The following DYNC2H1 variants were observed in gnomAD, a reference collection of about 807,000 sequenced individuals.
The protein encoded by DYNC2H1 is dynein cytoplasmic 2 heavy chain 1.
Under a neutral mutation model 570.0 loss-of-function variants are expected in DYNC2H1, and 410 were observed. That is an observed-to-expected ratio of 0.72 (90% CI 0.66 to 0.78). The LOEUF is 0.78. DYNC2H1 is among the 30% of genes least tolerant of loss of function. The probability of loss-of-function intolerance (pLI) is 0.00; values close to 1 mark genes in which losing one functional copy is unlikely to be tolerated. For synonymous variants in DYNC2H1, 1,688 were observed against 1,677.6 expected (o/e 1.01, Z -0.15); for missense variants, 4,865 against 5,046.4 (o/e 0.96, Z 1.09).
At chr11:103,276,477 A>G (rs948135615) in intron 70 of DYNC2H1, among the ~76,000 whole-genome samples, 4 of 152,138 alleles carry the variant, frequency 2.6e-5, no homozygotes, top group Admixed American at 2.6e-4. Flanking sequence ...TGCTTAATAG[A>G]TGGCTTCTTT....
At chr11:103,154,086 T>A (rs561339452) in intron 22 of DYNC2H1, among the ~76,000 whole-genome samples, 20 of 151,886 alleles carry the variant, frequency 1.3e-4, no homozygotes, top group African/African-American at 4.8e-4. Context: ...CTGAGAAGAG[T>A]ATTCTTTTCC....
intron 50 of DYNC2H1, among the ~76,000 whole-genome samples, chr11:103,202,026 A>G (rs776179129): frequency 4.6e-5 from 7 of 152,186 alleles, no homozygotes; most frequent in Non-Finnish European, 8.8e-5. Context: ...AATTTTCTTC[A>G]GAATTTAACA....
At chr11:103,459,752 A>G (rs1944939410) in intron 87 of DYNC2H1, among the ~76,000 whole-genome samples, 1 of 151,464 alleles carries the variant, frequency 6.6e-6, no homozygotes, top group African/African-American at 2.4e-5. Flanking sequence ...GGAGATCGAG[A>G]CCATCCTGGC....
chr11:103,278,431 T>C (rs1460305178), intron 70 of DYNC2H1, among the ~76,000 whole-genome samples: 2 of 152,200 alleles, frequency 1.3e-5, no homozygotes, highest in East Asian at 3.9e-4. Context: ...TTTAATATTA[T>C]TGTCCCCTGT....
intron 25 of DYNC2H1, 126 bp from the exon 26 acceptor site, chr11:103,156,262 C>CTTT (rs373290219): frequency 6.5e-5 from 53 of 812,518 alleles, no homozygotes; most frequent in African/African-American, 5.5e-4. Flanking sequence ...AGCCACTTAA[C>CTTT]TTTTTTTTTT....
chr11:103,253,372 CT>C lies in DYNC2H1; in HGVS notation c.10134del (p.Phe3378LeufsTer27). Reference sequence around the variant, plus strand: ...TTTTTGTCAACAAGAAACCCAAATCCTTTTATTCCACCGGATGCAGCTTCCA... The same window carrying C: ...TTTTTGTCAACAAGAAACCCAAATCCTTTATTCCACCGGATGCAGCTTCCA... ...RLFLSTRNPN[P>X]FIPPDAASIV... On this transcript the variant is annotated frameshift_variant, in exon 66 of 89. Transcript: ENST00000375735. LOFTEE classifies it high-confidence loss of function. 2 of 1,613,276 alleles carry C rather than the reference CT, an allele frequency of 1.2e-6. No individual in the cohort carries two copies. Among genetic ancestry groups the C allele is most frequent in the Non-Finnish European group, 1.7e-6 (2 of 1,179,520 alleles).
chr11:103,445,467 A>T (rs612158), intron 85 of DYNC2H1, among the ~76,000 whole-genome samples: 6 of 151,934 alleles, frequency 3.9e-5, no homozygotes. Context: ...TGCTTCGGAA[A>T]AAAAGAGGTT....
intron 83 of DYNC2H1, among the ~76,000 whole-genome samples, chr11:103,371,775 C>A (rs1320969749): frequency 6.6e-6 from 1 of 152,040 alleles, no homozygotes; most frequent in Non-Finnish European, 1.5e-5. Flanking sequence ...TGGATAGTAA[C>A]ACTACTGGTT....
Position 103,215,996 on chromosome 11 carries a change from C to G in DYNC2H1, c.8832+138C>G, listed in dbSNP as rs635193. ...ATACTGAGTCAGACTGATATTATGT[C>G]CTTAAGCTTTTGTGGAAGGGCATGG... is the stretch of plus-strand genomic sequence containing the variant. On this transcript the variant is annotated intron_variant, in intron 55 of 88. Coordinates refer to ENST00000375735, the MANE Select transcript of DYNC2H1 (RefSeq NM_001377.3). 0.61 allele frequency: 648,949 copies of G among 1,060,636 alleles called. 200,578 individuals are homozygous for G. The highest frequency in any genetic ancestry group is 0.71 in the Admixed American group (23,796 of 33,580). 65.7% of individuals were successfully genotyped at this position (1,060,636 alleles called of 1,614,324 possible). A position where few individuals can be genotyped will look rare whatever the true frequency, so the allele number is the denominator to read the frequency against.
At chr11:103,365,625 G>A (rs995372874) in intron 83 of DYNC2H1, among the ~76,000 whole-genome samples, 2 of 152,182 alleles carry the variant, frequency 1.3e-5, no homozygotes, top group African/African-American at 2.4e-5. Flanking sequence ...CTTCAAACTT[G>A]TTGAATAGCC....
rs11298081 is a variant in DYNC2H1, at chr11:103,299,142, TA to T, written c.11096-3949del. On this transcript the variant is annotated intron_variant, in intron 75 of 88. Coordinates refer to ENST00000375735, the MANE Select transcript of DYNC2H1 (RefSeq NM_001377.3). This position sits in a 1 kb window ranked among gnomAD's most constrained non-coding sequence, Gnocchi z 4.5. ...CCATACGGTGCTACAATAACTACAG[TA>T]ACCAGAAATTTTTAAACGTTCTTCA... Among the ~76,000 whole-genome samples the T allele has an allele frequency of 0.16, 25,069 of 152,018 alleles. 2,245 individuals carry two copies. The highest frequency in any genetic ancestry group is 0.25 in the Admixed American group (3,839 of 15,230).
At chr11:103,298,328 A>T (rs1344914912) in intron 75 of DYNC2H1, among the ~76,000 whole-genome samples, 2 of 152,120 alleles carry the variant, frequency 1.3e-5, no homozygotes, top group African/African-American at 4.8e-5. Flanking sequence ...GAGGTTCTTA[A>T]GAGAGGTTTT....
Position 103,456,317 on chromosome 11 carries a change from A to G in DYNC2H1, c.12609A>G (p.Ser4203=), listed in dbSNP as rs377621045. 4.6e-5 allele frequency: 74 copies of G among 1,609,264 alleles called. No homozygotes were observed. In the African/African-American group the frequency reaches 7.9e-4, roughly 17 times the overall value. The change falls in exon 87 of 89, where the codon TCA becomes TCG. Residue 4203 remains serine, a synonymous_variant. Transcript: ENST00000375735. ...RSVDSLKFVA[S]WKGRLQEAKL... is the part of the protein sequence containing the mutation. ...TGGATAGCCTTAAATTTGTAGCCTCATGGAAAGGTCGACTGCAAGAAGCAA... is the reference window on the plus strand; with the variant it reads ...TGGATAGCCTTAAATTTGTAGCCTCGTGGAAAGGTCGACTGCAAGAAGCAA...
chr11:103,208,760 T>C (rs531250698), intron 52 of DYNC2H1, among the ~76,000 whole-genome samples: 41 of 152,242 alleles, frequency 2.7e-4, no homozygotes, highest in African/African-American at 9.4e-4. Flanking sequence ...TATGAATATG[T>C]TAATATATGA....
At chr11:103,194,119 A>G (rs1388856379) in intron 47 of DYNC2H1, among the ~76,000 whole-genome samples, 2 of 152,196 alleles carry the variant, frequency 1.3e-5, no homozygotes, top group African/African-American at 2.4e-5. Flanking sequence ...ACCCTTTTGT[A>G]GCCATACTCA....
At position 103,151,279 on chromosome 11, in the gene DYNC2H1, T is replaced by TA. The variant is rs1860523464; in HGVS notation, c.2947-857_2947-856insA. On this transcript the variant is annotated intron_variant, in intron 20 of 88. Coordinates refer to ENST00000375735, the MANE Select transcript of DYNC2H1 (RefSeq NM_001377.3). This position sits in a 1 kb window ranked among gnomAD's most constrained non-coding sequence, Gnocchi z 4.6. ...ATGCCCAGTTAATTTTTAAAATATATTTTTTTAGAGATGCGTTCTCACTAT... is the reference window on the plus strand; with the variant it reads ...ATGCCCAGTTAATTTTTAAAATATATATTTTTTAGAGATGCGTTCTCACTAT... Among the ~76,000 whole-genome samples, 1 of 152,052 alleles carries TA rather than the reference T, an allele frequency of 6.6e-6. No homozygotes were observed. The highest frequency in any genetic ancestry group is 1.5e-5 in the Non-Finnish European group (1 of 68,008).
intron 84 of DYNC2H1, among the ~76,000 whole-genome samples, chr11:103,431,497 T>G (rs1943892282): frequency 6.6e-6 from 1 of 152,180 alleles, no homozygotes; most frequent in Admixed American, 6.6e-5. Context: ...CTACATTTTC[T>G]CTTCTGTAAA....
At chr11:103,273,776 C>A (rs981671409) in intron 70 of DYNC2H1, among the ~76,000 whole-genome samples, 9 of 152,076 alleles carry the variant, frequency 5.9e-5, no homozygotes, top group Middle Eastern at 3.2e-3. Context: ...CACATGGAAA[C>A]CCTTGTATCA....
chr11:103,352,841 A>G (rs994987485), intron 82 of DYNC2H1, among the ~76,000 whole-genome samples: 1 of 152,214 alleles, frequency 6.6e-6, no homozygotes, highest in African/African-American at 2.4e-5. Context: ...ATAAAGATAC[A>G]TGCATGCATA....
Sources: gnomAD v4.1 joint callset for allele counts (sites outside exome capture counted in the v4.1 genomes callset) on GRCh38, gnomAD v4.1.1 for gene constraint, Gnocchi (gnomAD v3.1) non-coding constraint, MANE v1.5 for transcripts, NCBI Gene and HGNC (gene_info 2026-07-23, HGNC 2026-07-21) for gene names.